The following NEURL1 variants were observed in gnomAD, a reference collection of about 807,000 sequenced individuals.
The protein encoded by NEURL1 is E3 ubiquitin-protein ligase NEURL1.
A neutral mutation model predicts 41.2 loss-of-function variants in NEURL1; 26 were observed. The observed-to-expected ratio is 0.63, with a 90% CI of 0.46 to 0.87. The LOEUF is 0.87. Among genes scored for constraint, NEURL1 ranks in the 40% least tolerant of loss-of-function variants. NEURL1 has a pLI of 0.00. For missense variants in NEURL1, 761 were observed against 871.1 expected (o/e 0.87, Z 1.59); for synonymous variants, 400 against 402.3 (o/e 0.99, Z 0.07).
rs560468317 is a variant in NEURL1, at chr10:103,542,072, T to C, written c.86-28800T>C. On this transcript the variant is annotated intron_variant, in intron 1 of 5. Coordinates refer to ENST00000369780, the MANE Select transcript of NEURL1 (RefSeq NM_004210.5). ...CCACTGCTGGGAAATCTATGCCTCA[T>C]TGGCCAGAAGTGGGTCACCTGGCCA... Among the ~76,000 whole-genome samples the C allele has an allele frequency of 3.9e-5, 6 of 152,296 alleles. No individual in the cohort carries two copies. The South Asian group carries it at 1.2e-3, about 32-fold the overall frequency.
At chr10:103,524,485 C>T (rs78842904) in intron 1 of NEURL1, among the ~76,000 whole-genome samples, 1,999 of 152,092 alleles carry the variant, frequency 0.013, 36 homozygotes, top group African/African-American at 0.044. Context: ...TTTTGTTGCC[C>T]GTGCTTTGAG....
At chr10:103,499,270 C>G (rs2033764136) in intron 1 of NEURL1, among the ~76,000 whole-genome samples, 1 of 152,156 alleles carries the variant, frequency 6.6e-6, no homozygotes, top group Non-Finnish European at 1.5e-5. Context: ...GGTCTTGATT[C>G]TTGTGGTGGG....
At chr10:103,584,073 T>TG (rs1002901150) in intron 3 of NEURL1, among the ~76,000 whole-genome samples, 3 of 152,084 alleles carry the variant, frequency 2.0e-5, no homozygotes, top group African/African-American at 7.2e-5. Context: ...GTGTGTTTGC[T>TG]GGGGGGTGGT....
intron 1 of NEURL1, among the ~76,000 whole-genome samples, chr10:103,526,827 T>C (rs2034468784): frequency 2.0e-5 from 3 of 152,262 alleles, no homozygotes; most frequent in African/African-American, 7.2e-5. Flanking sequence ...TTTATTTTTC[T>C]GCATATGAAT....
At chr10:103,511,353 C>G (rs1210242858) in intron 1 of NEURL1, among the ~76,000 whole-genome samples, 1 of 152,188 alleles carries the variant, frequency 6.6e-6, no homozygotes, top group African/African-American at 2.4e-5. Flanking sequence ...GGGGGTCCCA[C>G]TGGGCTATGG....
intron 1 of NEURL1, among the ~76,000 whole-genome samples, chr10:103,503,164 G>C (rs957250100): frequency 9.2e-5 from 14 of 152,246 alleles, no homozygotes; most frequent in African/African-American, 3.4e-4. Context: ...CCAGACCAGA[G>C]GCGCTAATGG....
intron 1 of NEURL1, among the ~76,000 whole-genome samples, chr10:103,561,820 A>G (rs2035299413): frequency 6.6e-6 from 1 of 152,126 alleles, no homozygotes; most frequent in Non-Finnish European, 1.5e-5. Flanking sequence ...CTTCTTTTCT[A>G]CTGCTGGCAA....
At chr10:103,546,012 T>TC in intron 1 of NEURL1, among the ~76,000 whole-genome samples, 1 of 152,326 alleles carries the variant, frequency 6.6e-6, no homozygotes, top group East Asian at 1.9e-4. Context: ...ATTTCACTTT[T>TC]CTTTTTTTAG....
intron 1 of NEURL1, among the ~76,000 whole-genome samples, chr10:103,523,561 T>C (rs1227061305): frequency 6.6e-6 from 1 of 152,204 alleles, no homozygotes; most frequent in Non-Finnish European, 1.5e-5. Flanking sequence ...TCTATCTAGC[T>C]GTGCTTCTGA....
intron 1 of NEURL1, among the ~76,000 whole-genome samples, chr10:103,557,441 C>G (rs1428733002): frequency 6.6e-6 from 1 of 152,094 alleles, no homozygotes; most frequent in Non-Finnish European, 1.5e-5. Flanking sequence ...TCTAAGAACT[C>G]TAGGAATTGG....
rs1439699458 is a variant in NEURL1 at position 103,590,143 on chromosome 10, C to T, written c.1496C>T (p.Pro499Leu). The T allele has an allele frequency of 6.2e-7, 1 of 1,613,830 alleles. No homozygotes were observed. The highest frequency in any genetic ancestry group is 2.2e-5 in the East Asian group (1 of 44,880). ...PLGSSAGGTA[P>L]NSPVSLPESP... Reference sequence around the variant, plus strand: ...GCCCCCTTGTCCTCAGGGACAGCCCCCAATTCGCCAGTGAGCCTGCCCGAG... The same window carrying T: ...GCCCCCTTGTCCTCAGGGACAGCCCTCAATTCGCCAGTGAGCCTGCCCGAG... The change falls in exon 6 of 6, where the codon CCC becomes CTC. Residue 499 changes from proline to leucine, a missense_variant. Pro to Leu is a moderately conservative substitution (Grantham distance 98). This residue lies in a region of NEURL1 where 443 missense variants were observed against 408.1 expected (regional missense o/e 1.09). Transcript: ENST00000369780.
chr10:103,571,151 TC>T (rs1380954909), intron 2 of NEURL1, 38 bp downstream of exon 2: 1 of 1,595,936 alleles, frequency 6.3e-7, no homozygotes, highest in Non-Finnish European at 8.5e-7. Context: ...GCCTCCTGCT[TC>T]CTGCTCCCCT....
In NEURL1 at chr10:103,573,660, G is replaced by A. The variant is rs563470875; in HGVS notation, c.649+1838G>A. Among the ~76,000 whole-genome samples, 616 of 152,276 alleles carry A rather than the reference G, an allele frequency of 4.0e-3. 4 individuals carry two copies. Among genetic ancestry groups the A allele is most frequent in the African/African-American group, 0.014 (590 of 41,544 alleles). On this transcript the variant is annotated intron_variant, in intron 3 of 5. Transcript: ENST00000369780. ...CCTCAGGCTTCCCACCTGTATAATG[G>A]TTGTGAAGGCTTTGACTTAGCCCAG...
chr10:103,516,251 A>G (rs2034204285), intron 1 of NEURL1, among the ~76,000 whole-genome samples: 1 of 150,448 alleles, frequency 6.6e-6, no homozygotes, highest in African/African-American at 2.4e-5. Context: ...AAAAGAAAAG[A>G]AAAAAATAAA....
At chr10:103,577,693 A>G (rs1201257305) in intron 3 of NEURL1, 1 of 152,258 alleles carries the variant, frequency 6.6e-6, no homozygotes. Flanking sequence ...GATCAACTGC[A>G]CATGTTGGGC....
intron 1 of NEURL1, among the ~76,000 whole-genome samples, chr10:103,564,115 G>T (rs1185865242): frequency 6.6e-6 from 1 of 152,212 alleles, no homozygotes; most frequent in Non-Finnish European, 1.5e-5. Flanking sequence ...TCACTCCGGA[G>T]GGTATGTGTG....
intron 3 of NEURL1, among the ~76,000 whole-genome samples, chr10:103,578,261 TA>T (rs138809206): frequency 0.027 from 4,181 of 152,294 alleles, 65 homozygotes; most frequent in African/African-American, 0.046. Flanking sequence ...GTCTTTAGGT[TA>T]AAAAGGAATA....
chr10:103,540,379 T>C (rs909695945), intron 1 of NEURL1, among the ~76,000 whole-genome samples: 2 of 152,146 alleles, frequency 1.3e-5, no homozygotes, highest in Non-Finnish European at 2.9e-5. Flanking sequence ...AACCTCTACC[T>C]CCCGAGTTCA....
At chr10:103,498,339 G>T (rs907543884) in intron 1 of NEURL1, among the ~76,000 whole-genome samples, 3 of 152,162 alleles carry the variant, frequency 2.0e-5, no homozygotes, top group Non-Finnish European at 4.4e-5. Flanking sequence ...GCCTTCTCCC[G>T]CCTCAGCCTC....
Sources: gnomAD v4.1 joint callset for allele counts (sites outside exome capture counted in the v4.1 genomes callset) on GRCh38, gnomAD v4.1.1 for gene constraint, gnomAD v4.1.1 regional missense constraint, MANE v1.5 for transcripts, NCBI Gene and HGNC (gene_info 2026-07-23, HGNC 2026-07-21) for gene names.